The following SOX5 variants were observed in gnomAD, a reference collection of about 807,000 sequenced individuals.
SOX5 encodes the protein transcription factor SOX-5.
In SOX5, 9 loss-of-function variants were observed where a neutral mutation model predicts 92.0. The observed-to-expected ratio is 0.10, with a 90% CI of 0.06 to 0.17. The LOEUF (loss-of-function observed/expected upper bound fraction) is 0.17. SOX5 is among the 10% of genes least tolerant of loss of function. The pLI, the probability that SOX5 is intolerant of heterozygous loss-of-function variation, is 1.00. For synonymous variants in SOX5, 344 were observed against 336.3 expected (o/e 1.02, Z -0.25); for missense variants, 642 against 944.5 (o/e 0.68, Z 4.20).
chr12:23,655,028 T>A (rs912018126), intron 7 of SOX5, among the ~76,000 whole-genome samples: 1 of 152,088 alleles, frequency 6.6e-6, no homozygotes, highest in African/African-American at 2.4e-5. Context: ...GAAAACTTTA[T>A]CCTATTTAAT....
At chr12:23,950,724 G>C (rs943800143), upstream of SOX5, 26 of 730,598 alleles carry the variant, frequency 3.6e-5, no homozygotes, top group Admixed American at 1.3e-4. Flanking sequence ...TGGCTTTACA[G>C]ATTCTAAGCT....
At chr12:23,999,734 G>GA (rs947497012) in intron 4 of SOX5, among the ~76,000 whole-genome samples, 1 of 151,694 alleles carries the variant, frequency 6.6e-6, no homozygotes, top group South Asian at 2.1e-4. Context: ...AAGTGCTACA[G>GA]AAAAAAACTC....
intron 2 of SOX5, among the ~76,000 whole-genome samples, chr12:23,871,487 G>C (rs1218682103): frequency 6.6e-6 from 1 of 152,016 alleles, no homozygotes; most frequent in Non-Finnish European, 1.5e-5. Context: ...GTGGGTAAGA[G>C]GACATGAGAG....
chr12:23,979,707 G>GTTGTTGTTTTT lies in SOX5; in HGVS notation c.-1-83684_-1-83683insAAAAACAACAA, dbSNP rs1949333613. ...CCATATATATATATATGTTTTTTTT[G>GTTGTTGTTTTT]TTTTTTTTTTTTTTTTTTTTTTTTT... On this transcript the variant is annotated intron_variant, in intron 4 of 4. Transcript: ENST00000446891. Among the ~76,000 whole-genome samples the GTTGTTGTTTTT allele has an allele frequency of 7.7e-5, 6 of 77,472 alleles. 1 individual carries two copies. The highest frequency in any genetic ancestry group is 4.0e-4 in the Admixed American group (2 of 4,970). The allele number at this position is 77,472 out of a possible 152,430, so 50.8% of individuals were successfully genotyped here.
chr12:23,969,009 C>T (rs532833422), intron 4 of SOX5, among the ~76,000 whole-genome samples: 3 of 152,264 alleles, frequency 2.0e-5, no homozygotes, highest in African/African-American at 4.8e-5. Flanking sequence ...AAACTCAACA[C>T]GTCCCCAAAT....
At chr12:24,002,295 A>C (rs886946690) in intron 4 of SOX5, among the ~76,000 whole-genome samples, 1 of 152,080 alleles carries the variant, frequency 6.6e-6, no homozygotes, top group Non-Finnish European at 1.5e-5. Flanking sequence ...AAGATCAATA[A>C]AATTGACAAA....
At chr12:24,406,088 T>C (rs991899195) in intron 1 of SOX5, among the ~76,000 whole-genome samples, 5 of 152,144 alleles carry the variant, frequency 3.3e-5, no homozygotes, top group Non-Finnish European at 5.9e-5. Flanking sequence ...GGAGCAGCTC[T>C]GCAATCTGAG....
intron 10 of SOX5, among the ~76,000 whole-genome samples, chr12:23,573,755 C>T (rs552419191): frequency 1.3e-5 from 2 of 152,228 alleles, no homozygotes; most frequent in East Asian, 1.9e-4. Context: ...CAGGTTATTT[C>T]GTGATATAAA....
chr12:24,402,833 C>T (rs1283536103), intron 1 of SOX5, among the ~76,000 whole-genome samples: 4 of 152,162 alleles, frequency 2.6e-5, no homozygotes, highest in Non-Finnish European at 5.9e-5. Context: ...ATGCAAGCTT[C>T]GTTTATTTAA....
At chr12:24,000,922 T>C (rs994840495) in intron 4 of SOX5, among the ~76,000 whole-genome samples, 1 of 152,094 alleles carries the variant, frequency 6.6e-6, no homozygotes, top group African/African-American at 2.4e-5. Context: ...AATTGAACAA[T>C]ATTATCAAAC....
intron 1 of SOX5, among the ~76,000 whole-genome samples, chr12:24,428,630 A>C (rs896877935): frequency 7.0e-6 from 1 of 141,904 alleles, no homozygotes; most frequent in Non-Finnish European, 1.5e-5. Context: ...AAAATTAGGC[A>C]TGGTGGCACA....
At chr12:23,797,332 T>G (rs1409114193) in intron 3 of SOX5, among the ~76,000 whole-genome samples, 1 of 152,068 alleles carries the variant, frequency 6.6e-6, no homozygotes, top group Non-Finnish European at 1.5e-5. Context: ...CACAGATGTA[T>G]CTTGGCCATA....
intron 3 of SOX5, among the ~76,000 whole-genome samples, chr12:23,778,467 C>A (rs778492217): frequency 6.6e-6 from 1 of 152,098 alleles, no homozygotes; most frequent in Non-Finnish European, 1.5e-5. Context: ...GAAAGCCTAG[C>A]ATGTTTCAAA....
chr12:23,736,203 T>G (rs1416312188), intron 5 of SOX5, among the ~76,000 whole-genome samples: 1 of 151,748 alleles, frequency 6.6e-6, no homozygotes, highest in East Asian at 1.9e-4. Context: ...GGCTCACGCC[T>G]GTAATCTCAG....
chr12:23,824,616 G>T (rs1021428682), intron 3 of SOX5, among the ~76,000 whole-genome samples: 2 of 152,200 alleles, frequency 1.3e-5, no homozygotes, highest in Admixed American at 6.5e-5. Context: ...GAGGCAGTCT[G>T]CCGGGAGATC....
At chr12:24,341,221 A>C (rs1952538909) in intron 2 of SOX5, among the ~76,000 whole-genome samples, 1 of 152,238 alleles carries the variant, frequency 6.6e-6, no homozygotes, top group South Asian at 2.1e-4. Flanking sequence ...TTATACCTGT[A>C]ATCCTAACAC....
rs114216266 is a variant in SOX5 at position 23,634,019 on chromosome 12, A to G, written c.1017+6793T>C. Among the ~76,000 whole-genome samples, 770 of 152,236 alleles carry G rather than the reference A, an allele frequency of 5.1e-3. 5 individuals are homozygous for G. Among genetic ancestry groups the G allele is most frequent in the African/African-American group, 0.018 (735 of 41,532 alleles). ...TTTTTCATACTCTTAGAATCTTCCA[A>G]TGGGGGCAAGAAAAAACATCAAGTT... On this transcript the variant is annotated intron_variant, in intron 8 of 14. Transcript: ENST00000451604.
intron 2 of SOX5, among the ~76,000 whole-genome samples, chr12:23,862,651 A>G (rs960047353): frequency 6.6e-6 from 1 of 152,220 alleles, no homozygotes; most frequent in Non-Finnish European, 1.5e-5. Context: ...AGCCTTGTAC[A>G]TTCCAACGAA....
chr12:24,521,568 G>C (rs1950265773), intron 1 of SOX5, among the ~76,000 whole-genome samples: 1 of 152,122 alleles, frequency 6.6e-6, no homozygotes, highest in Non-Finnish European at 1.5e-5. Flanking sequence ...CACAAAACAA[G>C]TTCTTGACAA....
Sources: allele counts gnomAD v4.1 joint callset (sites outside exome capture counted in the v4.1 genomes callset), GRCh38; gene constraint gnomAD v4.1.1; transcripts MANE v1.5; gene names NCBI Gene and HGNC (gene_info 2026-07-23, HGNC 2026-07-21).